NRG1: variants seen among roughly 807,000 people sequenced by gnomAD.
NRG1 encodes pro-neuregulin-1, membrane-bound isoform.
Under a neutral mutation model 63.8 loss-of-function variants are expected in NRG1, and 18 were observed. The observed-to-expected ratio is 0.28, with a 90% CI of 0.19 to 0.42. NRG1 has a LOEUF of 0.42. Ranked by LOEUF, NRG1 falls within the 10% of genes least tolerant of loss-of-function variation. The probability of loss-of-function intolerance (pLI) is 1.00; values close to 1 mark genes in which losing one functional copy is unlikely to be tolerated. For missense variants in NRG1, 762 were observed against 814.7 expected, an observed-to-expected ratio of 0.94 and a Z score of 0.79; for synonymous variants, 302 against 301.3, an observed-to-expected ratio of 1.00 and a Z score of -0.02.
chr8:32,262,601 C>T (rs1296678867), intron 1 of NRG1, among the ~76,000 whole-genome samples: 1 of 152,032 alleles, frequency 6.6e-6, no homozygotes, highest in African/African-American at 2.4e-5. Flanking sequence ...ATCAAATATA[C>T]ATTTATATGC....
chr8:32,335,372 A>G (rs1032259459), intron 1 of NRG1, among the ~76,000 whole-genome samples: 8 of 152,320 alleles, frequency 5.3e-5, no homozygotes, highest in African/African-American at 1.9e-4. Context: ...GAGTTCACAC[A>G]GACAATTATT....
intron 1 of NRG1, among the ~76,000 whole-genome samples, chr8:32,271,791 T>C (rs1350016050): frequency 6.6e-6 from 1 of 152,162 alleles, no homozygotes; most frequent in African/African-American, 2.4e-5. Flanking sequence ...TCTACAATCA[T>C]GCACCTAGGG....
At chr8:31,727,816 C>T (rs1389740600) in intron 1 of NRG1, among the ~76,000 whole-genome samples, 1 of 152,092 alleles carries the variant, frequency 6.6e-6, no homozygotes. Flanking sequence ...AGGAGATTAA[C>T]AGCAATAACA....
intron 2 of NRG1, among the ~76,000 whole-genome samples, chr8:32,600,181 G>T (rs1039650946): frequency 6.6e-6 from 1 of 152,048 alleles, no homozygotes; most frequent in Non-Finnish European, 1.5e-5. Context: ...TGCTACTGAG[G>T]ATCTCTTGAG....
At chr8:32,408,758 A>C (rs1587445868) in intron 1 of NRG1, among the ~76,000 whole-genome samples, 2 of 152,128 alleles carry the variant, frequency 1.3e-5, no homozygotes, top group Non-Finnish European at 2.9e-5. Flanking sequence ...TCTGTTTTTA[A>C]ATTTCTGTTT....
chr8:32,108,210 G>A (rs559753221), intron 1 of NRG1, among the ~76,000 whole-genome samples: 21 of 152,250 alleles, frequency 1.4e-4, no homozygotes, highest in Admixed American at 9.2e-4. Flanking sequence ...AATTAACATT[G>A]CAGGTAGAAT....
intron 1 of NRG1, among the ~76,000 whole-genome samples, chr8:32,448,106 A>G (rs924452881): frequency 1.3e-5 from 2 of 152,196 alleles, no homozygotes; most frequent in Non-Finnish European, 2.9e-5. Context: ...AGTCTCCACT[A>G]AATTTTAACA....
chr8:32,111,052 T>G (rs759166806), intron 1 of NRG1, among the ~76,000 whole-genome samples: 1 of 152,168 alleles, frequency 6.6e-6, no homozygotes. Flanking sequence ...AGGTGACATT[T>G]TGACAAATAA....
chr8:32,538,011 C>A (rs1013816800), intron 1 of NRG1, among the ~76,000 whole-genome samples: 1 of 152,074 alleles, frequency 6.6e-6, no homozygotes, highest in Non-Finnish European at 1.5e-5. Flanking sequence ...GCCACCATGA[C>A]CACCTAATTT....
intron 1 of NRG1, among the ~76,000 whole-genome samples, chr8:31,741,315 G>A (rs1163613587): frequency 1.3e-5 from 2 of 151,804 alleles, no homozygotes; most frequent in Non-Finnish European, 2.9e-5. Context: ...GCTCAGTATA[G>A]TGCAATATAC....
chr8:31,641,514 T>C (rs554177141), intron 1 of NRG1, among the ~76,000 whole-genome samples: 1 of 152,332 alleles, frequency 6.6e-6, no homozygotes, highest in South Asian at 2.1e-4. Flanking sequence ...TTTTCCCACT[T>C]ACCACTGAAA....
chr8:32,388,455 A>G (rs991288913), intron 1 of NRG1, among the ~76,000 whole-genome samples: 1 of 152,216 alleles, frequency 6.6e-6, no homozygotes, highest in Non-Finnish European at 1.5e-5. Flanking sequence ...GAGGTGTTTC[A>G]TAAATGCTTG....
At chr8:32,571,137 A>G (rs1838509718) in intron 1 of NRG1, among the ~76,000 whole-genome samples, 1 of 152,228 alleles carries the variant, frequency 6.6e-6, no homozygotes, top group Admixed American at 6.5e-5. Flanking sequence ...ATATTTTTAT[A>G]GCCAGTAACA....
chr8:32,512,007 G>A (rs1829276972), intron 1 of NRG1, among the ~76,000 whole-genome samples: 1 of 152,120 alleles, frequency 6.6e-6, no homozygotes, highest in African/African-American at 2.4e-5. Flanking sequence ...GCACATGCCA[G>A]GTAGGAGGCT....
At chr8:31,952,946 G>T (rs1477176497) in intron 1 of NRG1, among the ~76,000 whole-genome samples, 1 of 152,168 alleles carries the variant, frequency 6.6e-6, no homozygotes, top group African/African-American at 2.4e-5. Flanking sequence ...ATTTTATGCA[G>T]TATTTTCCTG....
intron 1 of NRG1, among the ~76,000 whole-genome samples, chr8:32,042,360 G>A (rs1258886996): frequency 6.6e-6 from 1 of 152,082 alleles, no homozygotes; most frequent in Admixed American, 6.6e-5. Flanking sequence ...GGCTTAGGCA[G>A]GAGGATTACT....
chr8:31,692,033 A>G (rs1168108111), intron 1 of NRG1, among the ~76,000 whole-genome samples: 3 of 152,128 alleles, frequency 2.0e-5, no homozygotes, highest in Admixed American at 2.0e-4. Context: ...AGGTCTTGCT[A>G]TGTTGCCCAG....
intron 1 of NRG1, among the ~76,000 whole-genome samples, chr8:32,060,768 T>A (rs898817368): frequency 1.3e-5 from 2 of 151,978 alleles, no homozygotes; most frequent in East Asian, 3.9e-4. Flanking sequence ...TTATTCTTTT[T>A]ATTTCTGCCA....
intron 5 of NRG1, among the ~76,000 whole-genome samples, chr8:32,703,559 GA>G (rs1292343629): frequency 6.6e-6 from 1 of 151,086 alleles, no homozygotes; most frequent in African/African-American, 2.4e-5. Flanking sequence ...GAAAAGAAAA[GA>G]AAAAAAGAAA....
Sources: allele counts gnomAD v4.1 joint callset (sites outside exome capture counted in the v4.1 genomes callset), GRCh38; gene constraint gnomAD v4.1.1; transcripts MANE v1.5; gene names NCBI Gene and HGNC (gene_info 2026-07-23, HGNC 2026-07-21).